Variants in SLC14A2 observed in about 807,000 individuals in gnomAD.
The protein encoded by SLC14A2 is urea transporter 2.
SLC14A2 carries 91 observed loss-of-function variants against 104.6 expected under a neutral mutation model. That is an observed-to-expected ratio of 0.87 (90% confidence interval 0.73 to 1.04). The LOEUF (loss-of-function observed/expected upper bound fraction) is 1.04. Among genes scored for constraint, SLC14A2 ranks in the 50% least tolerant of loss-of-function variants. SLC14A2 has a pLI of 0.00. For missense variants in SLC14A2, 1,189 were observed against 1,156.0 expected (o/e 1.03, Z -0.41); for synonymous variants, 476 against 466.4 (o/e 1.02, Z -0.27).
At chr18:45,602,837 T>C (rs2044811985) in intron 2 of SLC14A2, among the ~76,000 whole-genome samples, 1 of 152,174 alleles carries the variant, frequency 6.6e-6, no homozygotes. Context: ...TCATTCAAAT[T>C]CCCATCAGTT....
intron 1 of SLC14A2, among the ~76,000 whole-genome samples, chr18:45,323,837 C>T (rs2085208272): frequency 6.6e-6 from 1 of 152,152 alleles, no homozygotes; most frequent in Admixed American, 6.5e-5. Flanking sequence ...AAAATGCATC[C>T]TGTTTTCTGG....
At chr18:45,582,990 T>G (rs1292141428) in intron 2 of SLC14A2, among the ~76,000 whole-genome samples, 1 of 152,216 alleles carries the variant, frequency 6.6e-6, no homozygotes, top group African/African-American at 2.4e-5. Flanking sequence ...ATCAAAGCTT[T>G]GTTTCTTGCA....
intron 1 of SLC14A2, among the ~76,000 whole-genome samples, chr18:45,419,806 ATG>A (rs2086322218): frequency 6.6e-6 from 1 of 151,678 alleles, no homozygotes; most frequent in Non-Finnish European, 1.5e-5. Flanking sequence ...GTTTTATTTT[ATG>A]TAATTAATGA....
intron 1 of SLC14A2, among the ~76,000 whole-genome samples, chr18:45,263,461 T>C (rs2084560101): frequency 6.6e-6 from 1 of 152,298 alleles, no homozygotes; most frequent in Admixed American, 6.5e-5. Flanking sequence ...TTTATAGATA[T>C]CTTAGAGGAG....
chr18:45,213,026 C>A, exon 1 of SLC14A2: 1 of 152,618 alleles, frequency 6.6e-6, no homozygotes. Flanking sequence ...AAAAAACGAC[C>A]ATGCTGAAAG....
At chr18:45,429,580 C>T (rs1275540228) in intron 1 of SLC14A2, among the ~76,000 whole-genome samples, 1 of 152,076 alleles carries the variant, frequency 6.6e-6, no homozygotes, top group Non-Finnish European at 1.5e-5. Context: ...GCTCCTAGGA[C>T]CCCCATTTAG....
chr18:45,170,494 A>C, the SLC14A2 span, among the ~76,000 whole-genome samples: 146 of 152,340 alleles, frequency 9.6e-4, 3 homozygotes, highest in African/African-American at 3.1e-3. Flanking sequence ...GCACATGGAC[A>C]CAAAAAGGAA....
chr18:45,510,507 CAGG>C (rs1814724991), intron 2 of SLC14A2, among the ~76,000 whole-genome samples: 1 of 152,118 alleles, frequency 6.6e-6, no homozygotes, highest in Non-Finnish European at 1.5e-5. Flanking sequence ...GTGGTGCCCA[CAGG>C]AGGACAGCCT....
intron 1 of SLC14A2, among the ~76,000 whole-genome samples, chr18:45,221,823 A>T (rs890687707): frequency 3.9e-5 from 6 of 152,166 alleles, no homozygotes; most frequent in Middle Eastern, 3.4e-3. Flanking sequence ...CACATAGGAA[A>T]GGGTCTTCAA....
chr18:45,223,505 T>G (rs961999809), intron 1 of SLC14A2, among the ~76,000 whole-genome samples: 1 of 152,228 alleles, frequency 6.6e-6, no homozygotes, highest in Non-Finnish European at 1.5e-5. Flanking sequence ...TGGTCTCTAC[T>G]AATGGATAGT....
intron 2 of SLC14A2, among the ~76,000 whole-genome samples, chr18:45,487,981 C>T (rs1043848782): frequency 6.6e-6 from 1 of 152,134 alleles, no homozygotes; most frequent in Non-Finnish European, 1.5e-5. Context: ...ATCACAGCTA[C>T]TTCTAGAATA....
chr18:45,321,981 C>T (rs2085189868), intron 1 of SLC14A2, among the ~76,000 whole-genome samples: 1 of 152,060 alleles, frequency 6.6e-6, no homozygotes, highest in Non-Finnish European at 1.5e-5. Context: ...TGGAGACATG[C>T]TGGATGGTGT....
chr18:45,670,923 A>T (rs1156767449), intron 16 of SLC14A2, among the ~76,000 whole-genome samples: 1 of 152,116 alleles, frequency 6.6e-6, no homozygotes, highest in Non-Finnish European at 1.5e-5. Context: ...TCAGCCTCCC[A>T]AAGTGCTGGG....
Position 45,239,740 on chromosome 18 carries a change from C to T in SLC14A2, c.-125+26549C>T, listed in dbSNP as rs572404060. 5.3e-5 allele frequency among the ~76,000 whole-genome samples: 8 copies of T among 152,246 alleles called. No individual in the cohort carries two copies. In the South Asian group the frequency reaches 1.5e-3, roughly 28 times the overall value. ...TGAAGGACTGAGTTTTAATTAGTAACGAACATGGGAAGGGTATTCTAGAAA... is the reference window on the plus strand; with the variant it reads ...TGAAGGACTGAGTTTTAATTAGTAATGAACATGGGAAGGGTATTCTAGAAA... On this transcript the variant is annotated intron_variant, in intron 1 of 20. Transcript: ENST00000586448.
intron 18 of SLC14A2, among the ~76,000 whole-genome samples, chr18:45,675,396 A>C (rs929249899): frequency 6.6e-6 from 1 of 152,192 alleles, no homozygotes; most frequent in African/African-American, 2.4e-5. Flanking sequence ...GCAGAGGTAG[A>C]GTCAACCCTC....
intron 1 of SLC14A2, among the ~76,000 whole-genome samples, chr18:45,393,205 A>G (rs1248266949): frequency 6.6e-6 from 1 of 152,230 alleles, no homozygotes; most frequent in African/African-American, 2.4e-5. Flanking sequence ...AAGAGAGATA[A>G]AAATAAAAGA....
In SLC14A2 at chr18:45,545,022, G is replaced by A. The variant is rs529984044; in HGVS notation, c.-35+61700G>A. Among the ~76,000 whole-genome samples the A allele has an allele frequency of 5.1e-3, 775 of 152,066 alleles. 4 individuals carry two copies. The highest frequency in any genetic ancestry group is 7.4e-3 in the Non-Finnish European group (505 of 67,984). On this transcript the variant is annotated intron_variant, in intron 2 of 20. Coordinates refer to the SLC14A2 transcript ENST00000586448. Reference sequence around the variant, plus strand: ...TTGGTCAGGCTGGTCTCGAACTCCCGACCTCAGGTGATCTGCCCGCCTCGG... The same window carrying A: ...TTGGTCAGGCTGGTCTCGAACTCCCAACCTCAGGTGATCTGCCCGCCTCGG...
chr18:45,399,587 T>G (rs1302341186), intron 1 of SLC14A2, among the ~76,000 whole-genome samples: 1 of 152,184 alleles, frequency 6.6e-6, no homozygotes, highest in Admixed American at 6.5e-5. Flanking sequence ...TTCCTGGTAG[T>G]GGCTGATTTT....
the SLC14A2 span, among the ~76,000 whole-genome samples, chr18:45,186,069 A>G: frequency 2.0e-5 from 3 of 152,328 alleles, no homozygotes; most frequent in Admixed American, 6.5e-5. Context: ...TCTAAATTCA[A>G]TATTCTCAAT....
Sources: gnomAD v4.1 joint callset for allele counts (sites outside exome capture counted in the v4.1 genomes callset) on GRCh38, gnomAD v4.1.1 for gene constraint, MANE v1.5 for transcripts, NCBI Gene and HGNC (gene_info 2026-07-23, HGNC 2026-07-21) for gene names.